LUZP2: variants seen among roughly 807,000 people sequenced by gnomAD.
The protein encoded by LUZP2 is leucine zipper protein 2.
In LUZP2, 52 loss-of-function variants were observed where a neutral mutation model predicts 51.6. That is an observed-to-expected ratio of 1.01 (90% CI 0.81 to 1.27). LUZP2 has a LOEUF of 1.27. LUZP2 is among the 50% of genes most tolerant of loss of function. The probability of loss-of-function intolerance (pLI) is 0.00; values close to 1 mark genes in which losing one functional copy is unlikely to be tolerated. For synonymous variants in LUZP2, 154 were observed against 137.3 expected (o/e 1.12, Z -0.85); for missense variants, 436 against 395.4 (o/e 1.10, Z -0.87).
intron 1 of LUZP2, among the ~76,000 whole-genome samples, chr11:24,688,011 G>T (rs549108506): frequency 6.6e-6 from 1 of 151,952 alleles, no homozygotes; most frequent in East Asian, 1.9e-4. Context: ...CTGGCTCTCT[G>T]TCTCTCTTTC....
intron 1 of LUZP2, among the ~76,000 whole-genome samples, chr11:24,683,849 G>A (rs920925540): frequency 1.3e-5 from 2 of 151,838 alleles, no homozygotes; most frequent in Non-Finnish European, 2.9e-5. Flanking sequence ...TTTGTCTGAA[G>A]GTTCAACTGG....
intron 1 of LUZP2, among the ~76,000 whole-genome samples, chr11:24,630,151 C>T (rs901268416): frequency 1.3e-5 from 2 of 151,614 alleles, no homozygotes; most frequent in Admixed American, 1.3e-4. Context: ...TGTCTGTTCA[C>T]TCTGTTAATT....
intron 1 of LUZP2, among the ~76,000 whole-genome samples, chr11:24,540,541 CT>C (rs1463538970): frequency 2.0e-5 from 3 of 152,150 alleles, no homozygotes; most frequent in Non-Finnish European, 4.4e-5. Context: ...CAGCCTGCAG[CT>C]TGATCCTGGA....
At chr11:24,923,191 C>A (rs563325930) in intron 7 of LUZP2, among the ~76,000 whole-genome samples, 36 of 151,750 alleles carry the variant, frequency 2.4e-4, no homozygotes, top group Non-Finnish European at 4.6e-4. Flanking sequence ...TCCACGATAT[C>A]GTATTTTTCC....
intron 1 of LUZP2, among the ~76,000 whole-genome samples, chr11:24,554,186 C>A (rs1021755164): frequency 6.6e-6 from 1 of 152,140 alleles, no homozygotes; most frequent in Non-Finnish European, 1.5e-5. Context: ...AAACTGAAAT[C>A]TTCTAGGTAG....
At chr11:24,842,331 A>T (rs1205023136) in intron 5 of LUZP2, among the ~76,000 whole-genome samples, 4 of 151,076 alleles carry the variant, frequency 2.6e-5, no homozygotes, top group African/African-American at 9.7e-5. Context: ...ACCTCCCAAG[A>T]TGATGTAATA....
rs112618286 is a variant in LUZP2 at position 24,853,799 on chromosome 11, G to A, written c.397-52192G>A. 6.5e-3 allele frequency among the ~76,000 whole-genome samples: 990 copies of A among 152,206 alleles called. 11 individuals carry two copies. Among genetic ancestry groups the A allele is most frequent in the African/African-American group, 0.023 (943 of 41,530 alleles). ...CTTTGATGTTGGTGACCTACGGATG[G>A]GGTTTTGGTGTGGACATCCTTTTTG... On this transcript the variant is annotated intron_variant, in intron 5 of 11. Transcript: ENST00000336930.
chr11:24,734,711 G>A lies in LUZP2; in HGVS notation c.251+2523G>A, dbSNP rs1858861424. Reference sequence around the variant, plus strand: ...TATATTATGGTAAAAGAGACTGTGTGTCTCATTTCAAAATCTGACTTATTA... The same window carrying A: ...TATATTATGGTAAAAGAGACTGTGTATCTCATTTCAAAATCTGACTTATTA... On this transcript the variant is annotated intron_variant, in intron 3 of 11. Coordinates refer to ENST00000336930, the MANE Select transcript of LUZP2 (RefSeq NM_001009909.4). Among the ~76,000 whole-genome samples, 7 of 152,008 alleles carry A rather than the reference G, an allele frequency of 4.6e-5. No individual in the cohort carries two copies. The South Asian group carries it at 1.5e-3, about 32-fold the overall frequency.
At chr11:24,917,177 G>T (rs905793384) in intron 7 of LUZP2, among the ~76,000 whole-genome samples, 2 of 152,110 alleles carry the variant, frequency 1.3e-5, no homozygotes, top group African/African-American at 4.8e-5. Context: ...TTTTGATGGG[G>T]TTGTTTGTTT....
At chr11:24,592,614 T>G (rs1853298948) in intron 1 of LUZP2, among the ~76,000 whole-genome samples, 1 of 151,950 alleles carries the variant, frequency 6.6e-6, no homozygotes, top group Non-Finnish European at 1.5e-5. Flanking sequence ...TTCTGAATGC[T>G]GAACCCTAAT....
intron 1 of LUZP2, among the ~76,000 whole-genome samples, chr11:24,722,871 C>T (rs755605934): frequency 4.0e-5 from 6 of 151,474 alleles, no homozygotes; most frequent in Non-Finnish European, 7.4e-5. Context: ...GAGCCGATAT[C>T]ATGCCACTGC....
intron 1 of LUZP2, among the ~76,000 whole-genome samples, chr11:24,555,460 C>T (rs974073655): frequency 6.6e-6 from 1 of 152,132 alleles, no homozygotes; most frequent in Non-Finnish European, 1.5e-5. Flanking sequence ...CTTTATTATA[C>T]AAATACGCTG....
chr11:24,660,921 A>T (rs1273726779), intron 1 of LUZP2, among the ~76,000 whole-genome samples: 1 of 152,192 alleles, frequency 6.6e-6, no homozygotes, highest in South Asian at 2.1e-4. Context: ...GGTGTGGGTC[A>T]TAGTTTTATC....
chr11:25,004,808 G>C (rs1007361724), intron 9 of LUZP2, among the ~76,000 whole-genome samples: 16 of 152,154 alleles, frequency 1.1e-4, no homozygotes, highest in African/African-American at 3.9e-4. Flanking sequence ...GATCCATACT[G>C]GGGATGGTAT....
intron 9 of LUZP2, among the ~76,000 whole-genome samples, chr11:24,991,893 T>G (rs1446324050): frequency 6.6e-6 from 1 of 152,112 alleles, no homozygotes; most frequent in Non-Finnish European, 1.5e-5. Flanking sequence ...TTTATGTTCT[T>G]AGCCCACTTT....
chr11:24,607,408 G>C (rs11028062), intron 1 of LUZP2, among the ~76,000 whole-genome samples: 4 of 118,532 alleles, frequency 3.4e-5, no homozygotes, highest in Admixed American at 3.1e-4. Flanking sequence ...ATTTATCGAA[G>C]AGACTATCTT....
At chr11:24,898,990 A>G (rs1228773486) in intron 5 of LUZP2, among the ~76,000 whole-genome samples, 1 of 152,204 alleles carries the variant, frequency 6.6e-6, no homozygotes, top group East Asian at 1.9e-4. Flanking sequence ...TGGTAGTTTT[A>G]CTAACTTATT....
chr11:25,037,675 C>A (rs1857907826), intron 9 of LUZP2, among the ~76,000 whole-genome samples: 1 of 152,112 alleles, frequency 6.6e-6, no homozygotes, highest in Admixed American at 6.6e-5. Context: ...TTTCCTGTCA[C>A]ATGCTTCTCT....
chr11:24,997,996 A>G (rs1422057695), intron 9 of LUZP2, among the ~76,000 whole-genome samples: 1 of 152,184 alleles, frequency 6.6e-6, no homozygotes, highest in Non-Finnish European at 1.5e-5. Context: ...TTTTGGTACC[A>G]GTACCATCCT....
Sources: allele counts gnomAD v4.1 joint callset (sites outside exome capture counted in the v4.1 genomes callset), GRCh38; gene constraint gnomAD v4.1.1; transcripts MANE v1.5; gene names NCBI Gene and HGNC (gene_info 2026-07-23, HGNC 2026-07-21).